The following HNRNPC variants were observed in gnomAD, a reference collection of about 807,000 sequenced individuals.
HNRNPC encodes the protein heterogeneous nuclear ribonucleoprotein C, also known as heterogeneous nuclear ribonucleoproteins C1/C2.
In HNRNPC, 3 loss-of-function variants were observed where a neutral mutation model predicts 33.2. The ratio of observed to expected loss-of-function variants is 0.09; its 90% confidence interval spans 0.04 to 0.23. The LOEUF is 0.23. Among genes scored for constraint, HNRNPC ranks in the 10% least tolerant of loss-of-function variants. The probability of loss-of-function intolerance (pLI) is 1.00; values close to 1 mark genes in which losing one functional copy is unlikely to be tolerated. For missense variants in HNRNPC, 143 were observed against 366.7 expected (o/e 0.39, Z 4.98); for synonymous variants, 121 against 126.7 (o/e 0.96, Z 0.30).
chr14:21,251,506 C>A (rs1896672442), intron 2 of HNRNPC, among the ~76,000 whole-genome samples: 1 of 151,988 alleles, frequency 6.6e-6, no homozygotes, highest in Non-Finnish European at 1.5e-5. Flanking sequence ...CGGTGAAACC[C>A]TGTCTCCACT....
At chr14:21,259,987 CAGG>C (rs1162274009) in intron 2 of HNRNPC, among the ~76,000 whole-genome samples, 1 of 150,202 alleles carries the variant, frequency 6.7e-6, no homozygotes, top group Non-Finnish European at 1.5e-5. Flanking sequence ...ATCACGAGGT[CAGG>C]AGATCGAGAC....
At chr14:21,266,570 A>T (rs1879017374) in intron 1 of HNRNPC, among the ~76,000 whole-genome samples, 1 of 151,422 alleles carries the variant, frequency 6.6e-6, no homozygotes, top group African/African-American at 2.4e-5. Flanking sequence ...TAATAAACTC[A>T]AAATTTCCAA....
chr14:21,254,270 T>C (rs888930807), intron 2 of HNRNPC, among the ~76,000 whole-genome samples: 7 of 152,096 alleles, frequency 4.6e-5, no homozygotes, highest in African/African-American at 1.7e-4. Flanking sequence ...AGTACAAGTA[T>C]ACAATGTACC....
intron 5 of HNRNPC, among the ~76,000 whole-genome samples, chr14:21,220,108 C>T (rs573633355): frequency 1.3e-5 from 2 of 152,276 alleles, no homozygotes; most frequent in South Asian, 4.1e-4. Context: ...GAGTAAGACC[C>T]TCCCATTCTC....
At chr14:21,262,132 C>G (rs1055694636) in intron 2 of HNRNPC, among the ~76,000 whole-genome samples, 1 of 152,082 alleles carries the variant, frequency 6.6e-6, no homozygotes, top group Admixed American at 6.6e-5. Flanking sequence ...TTTAAAAGCC[C>G]TCCAGTGAGA....
chr14:21,216,340 A>T (rs1892183362), intron 5 of HNRNPC, among the ~76,000 whole-genome samples: 1 of 152,198 alleles, frequency 6.6e-6, no homozygotes, highest in Non-Finnish European at 1.5e-5. Context: ...TATTAATAAT[A>T]AAGCTATCAT....
In HNRNPC at chr14:21,242,609, C is replaced by G. The variant is rs181096971; in HGVS notation, c.-36-8380G>C. ...CAGGTAAAACTTGGTGAGTGGAGTA[C>G]AGGATTTGCAAACAGATACTCTATA... On this transcript the variant is annotated intron_variant, in intron 2 of 8. Transcript: ENST00000553300. Among the ~76,000 whole-genome samples, 595 of 152,234 alleles carry G rather than the reference C, an allele frequency of 3.9e-3. 2 individuals carry two copies. Among genetic ancestry groups the G allele is most frequent in the Non-Finnish European group, 5.6e-3 (379 of 68,028 alleles).
intron 5 of HNRNPC, among the ~76,000 whole-genome samples, chr14:21,218,697 A>AC (rs1477907594): frequency 1.8e-4 from 27 of 150,048 alleles, no homozygotes; most frequent in African/African-American, 6.6e-4. Flanking sequence ...AAAAAAAAAA[A>AC]AAAAAAAAAA....
At chr14:21,252,028 A>G (rs1400071215) in intron 2 of HNRNPC, among the ~76,000 whole-genome samples, 2 of 152,208 alleles carry the variant, frequency 1.3e-5, no homozygotes, top group Admixed American at 6.5e-5. Context: ...GTATTCTCTT[A>G]AACAGCCAAA....
At chr14:21,254,902 A>G (rs1248821557) in intron 2 of HNRNPC, among the ~76,000 whole-genome samples, 1 of 151,184 alleles carries the variant, frequency 6.6e-6, no homozygotes, top group Non-Finnish European at 1.5e-5. Flanking sequence ...AGCCTGGGCA[A>G]CAGAGCGAGA....
intron 2 of HNRNPC, among the ~76,000 whole-genome samples, chr14:21,246,128 C>A (rs969674386): frequency 6.6e-6 from 1 of 152,042 alleles, no homozygotes; most frequent in Non-Finnish European, 1.5e-5. Flanking sequence ...CTGGCCTGCT[C>A]CATTATAATC....
chr14:21,257,947 A>G (rs1015338777), intron 2 of HNRNPC, among the ~76,000 whole-genome samples: 1 of 152,196 alleles, frequency 6.6e-6, no homozygotes. Flanking sequence ...CATCTACCTA[A>G]ACATTAACTA....
At chr14:21,212,382 C>CTGAA (rs765209202) in intron 6 of HNRNPC, among the ~76,000 whole-genome samples, 10 of 152,118 alleles carry the variant, frequency 6.6e-5, no homozygotes, top group Non-Finnish European at 1.3e-4. Context: ...AATCAACATA[C>CTGAA]TGAACACTGT....
intron 2 of HNRNPC, among the ~76,000 whole-genome samples, chr14:21,259,864 A>C (rs941437701): frequency 6.9e-6 from 1 of 144,954 alleles, no homozygotes; most frequent in African/African-American, 2.6e-5. Context: ...TGGGAAACAA[A>C]ATGAGACCTG....
In HNRNPC at chr14:21,209,303, A is replaced by AGGCC; in HGVS notation, c.*1916_*1919dup. The AGGCC allele has an allele frequency of 6.6e-6, 1 of 152,292 alleles. No homozygotes were observed. Among genetic ancestry groups the AGGCC allele is most frequent in the East Asian group, 1.9e-4 (1 of 5,192 alleles). 9.4% of individuals were successfully genotyped at this position (152,292 alleles called of 1,614,324 possible). On this transcript the variant is annotated 3_prime_UTR_variant, in exon 9 of 9. Transcript: ENST00000553300. The stretch of plus-strand genomic sequence containing the variant: ...TAAACAGACTGCTCTGTGCAGGGAG[A>AGGCC]GGCCCTACAGTGAAGGGAAAAGTAG...
At position 21,210,365 on chromosome 14, in the gene HNRNPC, T is replaced by C. The variant is rs1049980050; in HGVS notation, c.*858A>G. On this transcript the variant is annotated 3_prime_UTR_variant, in exon 9 of 9. Coordinates refer to ENST00000553300, the MANE Select transcript of HNRNPC (RefSeq NM_004500.4). ...GAAAAAGTCTCCACTCTATGTCAAG[T>C]TGACTCCTCAATGCAACATGCATCT... 1 of 152,358 alleles carries C rather than the reference T, an allele frequency of 6.6e-6. No individual in the cohort carries two copies. Among genetic ancestry groups the C allele is most frequent in the African/African-American group, 2.4e-5 (1 of 41,462 alleles). 9.4% of individuals were successfully genotyped at this position (152,358 alleles called of 1,614,324 possible).
At chr14:21,242,706 T>C (rs1895504836) in intron 2 of HNRNPC, among the ~76,000 whole-genome samples, 1 of 152,152 alleles carries the variant, frequency 6.6e-6, no homozygotes, top group Admixed American at 6.5e-5. Flanking sequence ...GGATCATAGT[T>C]AGAAAGTTGT....
intron 2 of HNRNPC, among the ~76,000 whole-genome samples, chr14:21,249,774 C>A: frequency 6.6e-6 from 1 of 152,064 alleles, no homozygotes; most frequent in South Asian, 2.1e-4. Flanking sequence ...GGGGGTGTTA[C>A]GACATAAAAG....
At chr14:21,268,281 G>A (rs766255937) in intron 1 of HNRNPC, among the ~76,000 whole-genome samples, 8 of 152,060 alleles carry the variant, frequency 5.3e-5, no homozygotes, top group Non-Finnish European at 1.0e-4. Flanking sequence ...CCCACATTTA[G>A]GCGGACGGGA....
Sources: allele counts gnomAD v4.1 joint callset (sites outside exome capture counted in the v4.1 genomes callset), GRCh38; gene constraint gnomAD v4.1.1; transcripts MANE v1.5; gene names NCBI Gene and HGNC (gene_info 2026-07-23, HGNC 2026-07-21).